CPAMD8: variants seen among roughly 807,000 people sequenced by gnomAD.
CPAMD8 encodes the protein C3 and PZP like alpha-2-macroglobulin domain containing 8.
CPAMD8 carries 146 observed loss-of-function variants against 224.7 expected under a neutral mutation model. That is an observed-to-expected ratio of 0.65 (90% CI 0.57 to 0.75). The LOEUF (loss-of-function observed/expected upper bound fraction) is 0.75, where lower values mean the gene tolerates loss of function less well. Ranked by LOEUF, CPAMD8 falls within the 30% of genes least tolerant of loss-of-function variation. The probability of loss-of-function intolerance (pLI) is 0.00; values close to 1 mark genes in which losing one functional copy is unlikely to be tolerated. For synonymous variants in CPAMD8, 966 were observed against 1,044.6 expected (o/e 0.92, Z 1.45); for missense variants, 2,301 against 2,537.5 (o/e 0.91, Z 2.00).
chr19:17,021,994 A>C, intron 2 of CPAMD8, 36 bp downstream of exon 2: 1 of 1,542,898 alleles, frequency 6.5e-7, no homozygotes, highest in Non-Finnish European at 8.8e-7. Context: ...TTTGCAAAAG[A>C]AGGGGAAGTC....
At chr19:16,968,373 G>C (rs373800734) in intron 18 of CPAMD8, among the ~76,000 whole-genome samples, 3 of 152,164 alleles carry the variant, frequency 2.0e-5, no homozygotes, top group South Asian at 2.1e-4. Context: ...AGCAGACGGA[G>C]GGGCACAAGA....
At chr19:16,917,657 C>T (rs1015955484) in intron 27 of CPAMD8, among the ~76,000 whole-genome samples, 3 of 152,186 alleles carry the variant, frequency 2.0e-5, no homozygotes, top group African/African-American at 7.2e-5. Context: ...GGAAAAATTG[C>T]TTGAGCCCAG....
chr19:16,950,103 G>A (rs544957972), intron 20 of CPAMD8, among the ~76,000 whole-genome samples: 1 of 152,112 alleles, frequency 6.6e-6, no homozygotes. Context: ...TTCGAGACCA[G>A]CCTGGCCAAC....
chr19:16,963,943 G>A (rs1263838345), intron 18 of CPAMD8, among the ~76,000 whole-genome samples: 3 of 152,056 alleles, frequency 2.0e-5, no homozygotes, highest in Admixed American at 6.6e-5. Context: ...ATGACTGCTG[G>A]GTAAATAACG....
At chr19:16,895,884 TGC>T (rs759736085) in intron 41 of CPAMD8, 1,253 of 507,982 alleles carry the variant, frequency 2.5e-3, no homozygotes, top group East Asian at 7.5e-3. Context: ...TTGACCCGTA[TGC>T]GCGCGCGCGC....
At chr19:16,942,100 C>A (rs747692890) in intron 22 of CPAMD8, among the ~76,000 whole-genome samples, 41 of 152,284 alleles carry the variant, frequency 2.7e-4, no homozygotes, top group Non-Finnish European at 5.3e-4. Context: ...TTTCCTGAGG[C>A]CTCCCCAGCC....
chr19:16,970,252 AAAAAG>A lies in CPAMD8; in HGVS notation c.2213+634_2213+638del, dbSNP rs1342744394. ...AGACTCTGTCTCAAAAAAAAAAAAA[AAAAAG>A]AAAGAAAGAGAGAAAGACACCTGTT... On this transcript the variant is annotated intron_variant, in intron 18 of 41. Coordinates refer to ENST00000443236, the MANE Select transcript of CPAMD8 (RefSeq NM_015692.5). Among the ~76,000 whole-genome samples, 5 of 150,348 alleles carry A rather than the reference AAAAAG, an allele frequency of 3.3e-5. No homozygotes were observed. The East Asian group carries it at 5.8e-4, about 18-fold the overall frequency.
rs2056275865 is a variant in CPAMD8 at position 17,000,488 on chromosome 19, T to C, written c.793A>G (p.Met265Val). 5 of 1,450,118 alleles carry C rather than the reference T, an allele frequency of 3.4e-6. No homozygotes were observed. The East Asian group carries it at 1.1e-4, about 33-fold the overall frequency. 89.8% of individuals were successfully genotyped at this position (1,450,118 alleles called of 1,614,324 possible). Residue 265 changes from methionine (M) to valine (V), a missense_variant, in exon 10 of 42, where the codon ATG becomes GTG. This residue lies in a region of CPAMD8 where 8 missense variants were observed against 36.9 expected (regional missense o/e 0.22). Transcript: ENST00000443236. ...ACACCATTAACAGTCATGTTGATCA[T>C]TAAGGCACCAGCCACAGGTTTCCCA... ...TFGKPVAGAL[M>V]INMTVNGVGY...
chr19:16,955,160 T>G (rs2054427494), intron 19 of CPAMD8, among the ~76,000 whole-genome samples: 1 of 151,872 alleles, frequency 6.6e-6, no homozygotes, highest in Non-Finnish European at 1.5e-5. Context: ...CTGGGCATGG[T>G]GGCGCATGCC....
In CPAMD8 at chr19:16,904,504, C is replaced by G; in HGVS notation, c.4076G>C (p.Gly1359Ala). Residue 1359 changes from glycine to alanine, a missense_variant, in exon 31 of 42, where the codon GGC (glycine) becomes GCC (alanine). Around this residue, in one of 4 missense-constraint regions of CPAMD8, gnomAD observed 1,709 missense variants for 1,753.2 expected, o/e 0.97. Transcript: ENST00000443236. ...SLSNSWDVDK[G>A]TFLSFSDRVS... ...CCTGTCACTGAAGCTCAAGAATGTG[C>G]CCTTGTCCACGTCCCAGGAATTTGA... is the stretch of plus-strand genomic sequence containing the variant. The G allele has an allele frequency of 6.2e-7, 1 of 1,614,120 alleles. No homozygotes were observed. Among genetic ancestry groups the G allele is most frequent in the Admixed American group, 1.7e-5 (1 of 60,020 alleles).
chr19:16,945,779 G>C (rs1369460955), intron 21 of CPAMD8, 100 bp from the exon 22 acceptor site: 26 of 901,280 alleles, frequency 2.9e-5, no homozygotes, highest in Non-Finnish European at 4.2e-5. Context: ...ATGCATGCAT[G>C]TGTGTGTGTG....
chr19:16,994,553 C>T lies in CPAMD8; in HGVS notation c.1096-967G>A, dbSNP rs1363157971. On this transcript the variant is annotated intron_variant, in intron 11 of 41. Coordinates refer to ENST00000443236, the MANE Select transcript of CPAMD8 (RefSeq NM_015692.5). ...TTTTTTTTTGAGAGACAGAGTCTTG[C>T]TCTGTTGCCCAGGCTGGAGTGAAGT... Among the ~76,000 whole-genome samples, 3 of 122,026 alleles carry T rather than the reference C, an allele frequency of 2.5e-5. No homozygotes were observed. In the Admixed American group the frequency reaches 3.1e-4, roughly 13 times the overall value. 80.1% of individuals were successfully genotyped at this position (122,026 alleles called of 152,430 possible). A position where few individuals can be genotyped will look rare whatever the true frequency, so the allele number is the denominator to read the frequency against.
intron 27 of CPAMD8, among the ~76,000 whole-genome samples, chr19:16,915,510 T>C (rs2052916721): frequency 6.6e-6 from 1 of 152,212 alleles, no homozygotes; most frequent in East Asian, 1.9e-4. Context: ...CAGCCCGTTT[T>C]CTGTTGTTTT....
chr19:17,009,824 T>C (rs966451741), intron 5 of CPAMD8, among the ~76,000 whole-genome samples: 1 of 150,696 alleles, frequency 6.6e-6, no homozygotes, highest in Non-Finnish European at 1.5e-5. Flanking sequence ...CTTGAACCAC[T>C]GGACCCTGTT....
At chr19:16,946,433 GTGAA>G (rs1439285302) in intron 21 of CPAMD8, among the ~76,000 whole-genome samples, 5 of 145,494 alleles carry the variant, frequency 3.4e-5, no homozygotes, top group Middle Eastern at 4.3e-3. Flanking sequence ...ATTTGTGTGT[GTGAA>G]TGCATGTCTA....
chr19:16,898,921 G>GT lies in CPAMD8; in HGVS notation c.4848+553dup, dbSNP rs59965779. Among the ~76,000 whole-genome samples the GT allele has an allele frequency of 0.024, 3,635 of 149,420 alleles. 158 individuals are homozygous for GT. Among genetic ancestry groups the GT allele is most frequent in the African/African-American group, 0.085 (3,452 of 40,730 alleles). On this transcript the variant is annotated intron_variant, in intron 37 of 41. Transcript: ENST00000443236. This position sits in a 1 kb window ranked among gnomAD's most constrained non-coding sequence, Gnocchi z 4.2. ...TTCTCCCAGTGTCTTATTTTTTTTT[G>GT]TTTTTTTTTAGACAAGGTCTTGCAG... is the stretch of plus-strand genomic sequence containing the variant.
intron 39 of CPAMD8, 27 bp downstream of exon 39, chr19:16,897,664 G>A: frequency 7.6e-7 from 1 of 1,314,788 alleles, no homozygotes; most frequent in Non-Finnish European, 1.0e-6. Context: ...GCCGCGGTGG[G>A]GGGCGGCAGT....
intron 29 of CPAMD8, among the ~76,000 whole-genome samples, chr19:16,908,929 C>G (rs1367933140): frequency 6.6e-6 from 1 of 152,130 alleles, no homozygotes; most frequent in African/African-American, 2.4e-5. Context: ...CGGGCCAGGA[C>G]GGGTCTCAAG....
intron 18 of CPAMD8, among the ~76,000 whole-genome samples, chr19:16,959,297 C>T (rs954745112): frequency 6.6e-6 from 1 of 151,922 alleles, no homozygotes; most frequent in African/African-American, 2.4e-5. Context: ...CCTCAGCCTC[C>T]TGAATTACAC....
Sources: gnomAD v4.1 joint callset for allele counts (sites outside exome capture counted in the v4.1 genomes callset) on GRCh38, gnomAD v4.1.1 for gene constraint, gnomAD v4.1.1 regional missense constraint, Gnocchi (gnomAD v3.1) non-coding constraint, MANE v1.5 for transcripts, NCBI Gene and HGNC (gene_info 2026-07-23, HGNC 2026-07-21) for gene names.